HEMK2: variants seen among roughly 807,000 people sequenced by gnomAD.
HEMK2 encodes the protein methyltransferase HEMK2.
the HEMK2 span, among the ~76,000 whole-genome samples, chr21:28,591,883 GTTC>G: frequency 6.6e-6 from 1 of 152,018 alleles, no homozygotes; most frequent in Non-Finnish European, 1.5e-5. Flanking sequence ...TAATTGTCTC[GTTC>G]TTGTTTACAG....
chr21:28,870,734 C>G, the HEMK2 span, among the ~76,000 whole-genome samples: 2 of 152,258 alleles, frequency 1.3e-5, no homozygotes, highest in Non-Finnish European at 2.9e-5. Context: ...TGTTTAGAAG[C>G]ATGTTTTAAA....
chr21:28,863,405 C>A, the HEMK2 span, among the ~76,000 whole-genome samples: 1 of 98,068 alleles, frequency 1.0e-5, no homozygotes, highest in Non-Finnish European at 1.9e-5. Flanking sequence ...TTAATAAACT[C>A]CCTTTTATAT....
chr21:28,825,452 C>G, the HEMK2 span, among the ~76,000 whole-genome samples: 4 of 152,130 alleles, frequency 2.6e-5, no homozygotes, highest in African/African-American at 4.8e-5. Flanking sequence ...GCTAGCAGGC[C>G]ACATTAGGCA....
At chr21:28,580,287 C>T in the HEMK2 span, among the ~76,000 whole-genome samples, 1 of 152,104 alleles carries the variant, frequency 6.6e-6, no homozygotes, top group African/African-American at 2.4e-5. Flanking sequence ...AGTCTCTTGG[C>T]CTGTTCCCAT....
the HEMK2 span, among the ~76,000 whole-genome samples, chr21:28,772,461 T>G: frequency 6.6e-6 from 1 of 152,266 alleles, no homozygotes; most frequent in East Asian, 1.9e-4. Context: ...AATGGTCACA[T>G]GCATTTCTCT....
At chr21:28,851,266 A>G in the HEMK2 span, among the ~76,000 whole-genome samples, 1 of 152,234 alleles carries the variant, frequency 6.6e-6, no homozygotes, top group African/African-American at 2.4e-5. Flanking sequence ...CGGCATCCCT[A>G]TCTGCCACCG....
At chr21:28,786,824 G>T in the HEMK2 span, among the ~76,000 whole-genome samples, 1 of 152,098 alleles carries the variant, frequency 6.6e-6, no homozygotes, top group African/African-American at 2.4e-5. Flanking sequence ...TTAAAAGAAT[G>T]AAAATCTTGT....
chr21:28,735,817 C>CTT, the HEMK2 span, among the ~76,000 whole-genome samples: 2 of 152,200 alleles, frequency 1.3e-5, no homozygotes, highest in African/African-American at 4.8e-5. Context: ...TGCAAAATCT[C>CTT]TTTTGCTATA....
At chr21:28,748,011 G>T in the HEMK2 span, among the ~76,000 whole-genome samples, 462 of 152,310 alleles carry the variant, frequency 3.0e-3, 1 homozygote, top group African/African-American at 0.011. Flanking sequence ...AATTAACACA[G>T]GAACAGAACA....
chr21:28,812,017 G>A, the HEMK2 span, among the ~76,000 whole-genome samples: 2 of 152,152 alleles, frequency 1.3e-5, no homozygotes, highest in Non-Finnish European at 2.9e-5. Context: ...ATGTGTTATG[G>A]ATCCACGTGA....
At chr21:28,635,732 A>G in the HEMK2 span, among the ~76,000 whole-genome samples, 1 of 151,998 alleles carries the variant, frequency 6.6e-6, no homozygotes, top group African/African-American at 2.4e-5. Context: ...TCCATTACTA[A>G]GTTGCAGACT....
the HEMK2 span, among the ~76,000 whole-genome samples, chr21:28,733,847 T>C: frequency 1.3e-5 from 2 of 152,320 alleles, no homozygotes; most frequent in East Asian, 1.9e-4. Flanking sequence ...CACTGTTTAG[T>C]CTTCCTCTGC....
At chr21:28,868,067 C>T in the HEMK2 span, among the ~76,000 whole-genome samples, 8 of 151,960 alleles carry the variant, frequency 5.3e-5, no homozygotes, top group Admixed American at 4.6e-4. Context: ...ATCATATACA[C>T]ATTTCTATAT....
the HEMK2 span, among the ~76,000 whole-genome samples, chr21:28,761,811 GA>G: frequency 6.6e-6 from 1 of 151,978 alleles, no homozygotes; most frequent in Non-Finnish European, 1.5e-5. Flanking sequence ...TCAAGAAGAT[GA>G]AAAGCAGCAG....
chr21:28,778,128 C>A, the HEMK2 span, among the ~76,000 whole-genome samples: 1 of 152,108 alleles, frequency 6.6e-6, no homozygotes, highest in Middle Eastern at 3.2e-3. Flanking sequence ...ACCTCTTTAC[C>A]CCACCCATTT....
At chr21:28,703,496 T>C in the HEMK2 span, among the ~76,000 whole-genome samples, 2 of 152,156 alleles carry the variant, frequency 1.3e-5, no homozygotes, top group Non-Finnish European at 2.9e-5. Flanking sequence ...TTGCTTCCTT[T>C]TTCTAACATA....
chr21:28,748,044 T>C, the HEMK2 span, among the ~76,000 whole-genome samples: 1 of 152,190 alleles, frequency 6.6e-6, no homozygotes, highest in South Asian at 2.1e-4. Context: ...TATTCACACT[T>C]CTAAGAGGGA....
chr21:28,692,261 G>C, the HEMK2 span, among the ~76,000 whole-genome samples: 1 of 152,136 alleles, frequency 6.6e-6, no homozygotes, highest in Non-Finnish European at 1.5e-5. Context: ...GTCTCAGCAA[G>C]AGACTAGTAT....
chr21:28,813,390 T>C, the HEMK2 span, among the ~76,000 whole-genome samples: 1 of 151,870 alleles, frequency 6.6e-6, no homozygotes, highest in Non-Finnish European at 1.5e-5. Flanking sequence ...GAATACAACT[T>C]ACAAGGGATG....
Sources: allele counts gnomAD v4.1 joint callset (sites outside exome capture counted in the v4.1 genomes callset), GRCh38; gene constraint gnomAD v4.1.1; transcripts MANE v1.5; gene names NCBI Gene and HGNC (gene_info 2026-07-23, HGNC 2026-07-21).